Variants in ADAMTS2 observed in about 807,000 individuals in gnomAD.
The protein encoded by ADAMTS2 is A disintegrin and metalloproteinase with thrombospondin motifs 2.
In ADAMTS2, 50 loss-of-function variants were observed where a neutral mutation model predicts 123.0. The ratio of observed to expected loss-of-function variants is 0.41; its 90% CI spans 0.32 to 0.51. The LOEUF is 0.51. Among genes scored for constraint, ADAMTS2 ranks in the 20% least tolerant of loss-of-function variants. The pLI is 0.35. For synonymous variants in ADAMTS2, 678 were observed against 695.4 expected, an observed-to-expected ratio of 0.98 and a Z score of 0.39; for missense variants, 1,494 against 1,705.2, an observed-to-expected ratio of 0.88 and a Z score of 2.18.
chr5:179,246,999 CAAGA>C (rs1765815965), intron 3 of ADAMTS2, among the ~76,000 whole-genome samples: 1 of 152,060 alleles, frequency 6.6e-6, no homozygotes, highest in Non-Finnish European at 1.5e-5. Context: ...TGCAAAATAA[CAAGA>C]AAGGATGGTC....
intron 2 of ADAMTS2, among the ~76,000 whole-genome samples, chr5:179,330,798 G>A (rs1757459377): frequency 6.6e-6 from 1 of 152,084 alleles, no homozygotes; most frequent in East Asian, 1.9e-4. Context: ...AGGAAAGACA[G>A]CCCAAAGGCC....
At chr5:179,125,210 C>T (rs1254387895) in intron 18 of ADAMTS2, 30 bp from the exon 19 acceptor site, 1 of 1,605,066 alleles carries the variant, frequency 6.2e-7, no homozygotes, top group African/African-American at 1.3e-5. Context: ...CACAGTCAGG[C>T]TTCCGCAGCA....
chr5:179,324,059 T>C (rs1757249301), intron 2 of ADAMTS2, among the ~76,000 whole-genome samples: 1 of 152,240 alleles, frequency 6.6e-6, no homozygotes, highest in African/African-American at 2.4e-5. Flanking sequence ...AAATATTGTG[T>C]GATTCATTTA....
chr5:179,140,254 C>T (rs1763139988), intron 10 of ADAMTS2, among the ~76,000 whole-genome samples: 1 of 152,218 alleles, frequency 6.6e-6, no homozygotes, highest in African/African-American at 2.4e-5. Context: ...CCTGCCCTGC[C>T]TCCCGCTTGC....
At chr5:179,214,771 C>T (rs1323537170) in intron 3 of ADAMTS2, among the ~76,000 whole-genome samples, 1 of 152,052 alleles carries the variant, frequency 6.6e-6, no homozygotes, top group Non-Finnish European at 1.5e-5. Flanking sequence ...GGAAGTTGGT[C>T]CTCCTCCAAA....
At chr5:179,245,055 C>T (rs1765752555) in intron 3 of ADAMTS2, among the ~76,000 whole-genome samples, 2 of 152,166 alleles carry the variant, frequency 1.3e-5, no homozygotes, top group South Asian at 4.1e-4. Flanking sequence ...CATTGTAAAT[C>T]AGATGACTTT....
At chr5:179,230,164 C>T (rs1194513945) in intron 3 of ADAMTS2, among the ~76,000 whole-genome samples, 1 of 152,092 alleles carries the variant, frequency 6.6e-6, no homozygotes, top group Admixed American at 6.5e-5. Flanking sequence ...GAGGTGGTCC[C>T]GGCGGGAGGA....
chr5:179,326,483 C>T (rs1171093030), intron 2 of ADAMTS2, among the ~76,000 whole-genome samples: 4 of 61,176 alleles, frequency 6.5e-5, no homozygotes, highest in African/African-American at 2.0e-4. Context: ...GCCCCGCCCC[C>T]GGCCCCGCCC....
chr5:179,111,688 C>T lies in ADAMTS2; in HGVS notation c.*2179G>A, dbSNP rs973827647. ...GTGTTCCCATCCAGAGGCCCCTAGGCTGGGTAAACCGAGTCATACTCTCTG... is the reference window on the plus strand; with the variant it reads ...GTGTTCCCATCCAGAGGCCCCTAGGTTGGGTAAACCGAGTCATACTCTCTG... On this transcript the variant is annotated 3_prime_UTR_variant, in exon 22 of 22. Coordinates refer to ENST00000251582, the MANE Select transcript of ADAMTS2 (RefSeq NM_014244.5). 6.6e-6 allele frequency: 1 copy of T among 152,268 alleles called. No individual in the cohort carries two copies. Among genetic ancestry groups the T allele is most frequent in the Non-Finnish European group, 1.5e-5 (1 of 68,054 alleles). 9.4% of individuals were successfully genotyped at this position (152,268 alleles called of 1,614,324 possible). A position where few individuals can be genotyped will look rare whatever the true frequency, so the allele number is the denominator to read the frequency against.
rs750232924 is a variant in ADAMTS2 at position 179,170,786 on chromosome 5, TC to T, written c.975+10285del. 1.0e-3 allele frequency among the ~76,000 whole-genome samples: 159 copies of T among 152,178 alleles called. No homozygotes were observed. Among genetic ancestry groups the T allele is most frequent in the Non-Finnish European group, 1.3e-3 (86 of 67,998 alleles). ...CTACTGCCTGGACACAGGGCTCCTC[TC>T]CCCTCCTCGTTCATGCACCTCCCTG... On this transcript the variant is annotated intron_variant, in intron 5 of 21. Transcript: ENST00000251582. This position sits in a 1 kb window ranked among gnomAD's most constrained non-coding sequence, Gnocchi z 4.3.
chr5:179,274,352 A>C (rs1237941820), intron 2 of ADAMTS2, among the ~76,000 whole-genome samples: 1 of 152,254 alleles, frequency 6.6e-6, no homozygotes, highest in East Asian at 1.9e-4. Flanking sequence ...GCCAAACTTA[A>C]GAAACAGGAG....
intron 9 of ADAMTS2, among the ~76,000 whole-genome samples, chr5:179,152,569 C>T (rs1269748809): frequency 1.3e-5 from 2 of 152,074 alleles, no homozygotes; most frequent in African/African-American, 4.8e-5. Flanking sequence ...GACCCTTTGC[C>T]GTGGATTTCC....
chr5:179,289,230 G>A (rs2113540845), intron 2 of ADAMTS2, among the ~76,000 whole-genome samples: 1 of 152,336 alleles, frequency 6.6e-6, no homozygotes, highest in South Asian at 2.1e-4. Flanking sequence ...GCTGGAAGGT[G>A]CTTTCGGTGG....
Position 179,180,091 on chromosome 5 carries a change from G to A in ADAMTS2, c.975+981C>T, listed in dbSNP as rs1764012106. ...TATCTGTGAAATGGGCAGAGTCACA[G>A]TGTGCACCCCTCCATCTGCCCTGTA... is the stretch of plus-strand genomic sequence containing the variant. On this transcript the variant is annotated intron_variant, in intron 5 of 21. Transcript: ENST00000251582. This position sits in a 1 kb window ranked among gnomAD's most constrained non-coding sequence, Gnocchi z 4.6. 6.6e-6 allele frequency among the ~76,000 whole-genome samples: 1 copy of A among 152,152 alleles called. No homozygotes were observed. The highest frequency in any genetic ancestry group is 6.5e-5 in the Admixed American group (1 of 15,276).
chr5:179,299,265 C>G (rs1431654763), intron 2 of ADAMTS2, among the ~76,000 whole-genome samples: 7 of 148,200 alleles, frequency 4.7e-5, no homozygotes, highest in East Asian at 2.0e-4. Flanking sequence ...CGCGGTGGCT[C>G]ACGCCTGTAA....
rs917937776 is a variant in ADAMTS2, at chr5:179,115,318, C to G, written c.3179-994G>C. ...TCTGTCTCCTTCCCAAGTTTTCACC[C>G]CTTCCCTCTCCCCATCCCCTCATTC... is the stretch of plus-strand genomic sequence containing the variant. On this transcript the variant is annotated intron_variant, in intron 21 of 21. Coordinates refer to ENST00000251582, the MANE Select transcript of ADAMTS2 (RefSeq NM_014244.5). This position sits in a 1 kb window ranked among gnomAD's most constrained non-coding sequence, Gnocchi z 4.4. Among the ~76,000 whole-genome samples the G allele has an allele frequency of 2.0e-5, 3 of 152,116 alleles. No homozygotes were observed. The highest frequency in any genetic ancestry group is 7.2e-5 in the African/African-American group (3 of 41,422).
rs1006631284 is a variant in ADAMTS2 at position 179,158,711 on chromosome 5, G to A, written c.1132+12C>T. On this transcript the variant is annotated intron_variant, in intron 6 of 21. Coordinates refer to ENST00000251582, the MANE Select transcript of ADAMTS2 (RefSeq NM_014244.5). The surrounding 1 kb of genome is among the most constrained non-coding windows in gnomAD (Gnocchi z 5.0). ...CTTCACGCCTCTGTGGCCCTGCATG[G>A]GTGAGGCTCACCTTGCATGCCGGAA... The A allele has an allele frequency of 1.2e-6, 2 of 1,613,978 alleles. No homozygotes were observed. Among genetic ancestry groups the A allele is most frequent in the South Asian group, 1.1e-5 (1 of 91,086 alleles).
intron 5 of ADAMTS2, among the ~76,000 whole-genome samples, chr5:179,165,691 G>C (rs974824829): frequency 6.6e-6 from 1 of 152,192 alleles, no homozygotes; most frequent in Non-Finnish European, 1.5e-5. Context: ...TGGACATTTC[G>C]AGGCCCTGGG....
intron 3 of ADAMTS2, among the ~76,000 whole-genome samples, chr5:179,253,524 T>C (rs1489798169): frequency 6.6e-6 from 1 of 151,516 alleles, no homozygotes; most frequent in African/African-American, 2.4e-5. Context: ...CACATGCCTG[T>C]AATCCCAGCT....
Sources: allele counts gnomAD v4.1 joint callset (sites outside exome capture counted in the v4.1 genomes callset), GRCh38; gene constraint gnomAD v4.1.1; non-coding constraint Gnocchi (gnomAD v3.1); transcripts MANE v1.5; gene names NCBI Gene and HGNC (gene_info 2026-07-23, HGNC 2026-07-21).